Variants in AZIN1 observed in about 807,000 individuals in gnomAD.
The protein encoded by AZIN1 is ornithine decarboxylase antizyme inhibitor.
AZIN1 carries 12 observed loss-of-function variants against 47.4 expected under a neutral mutation model. The ratio of observed to expected loss-of-function variants is 0.25; its 90% CI spans 0.16 to 0.41. The LOEUF (loss-of-function observed/expected upper bound fraction) is 0.41. AZIN1 is among the 10% of genes least tolerant of loss of function. The probability of loss-of-function intolerance (pLI) is 1.00; values close to 1 mark genes in which losing one functional copy is unlikely to be tolerated. For missense variants in AZIN1, 410 were observed against 532.4 expected, an observed-to-expected ratio of 0.77 and a Z score of 2.26; for synonymous variants, 155 against 176.3, an observed-to-expected ratio of 0.88 and a Z score of 0.96.
rs760077075 is a variant in AZIN1 at position 102,828,684 on chromosome 8, T to A, written c.1236-6A>T. 1 of 1,584,620 alleles carries A rather than the reference T, an allele frequency of 6.3e-7. No individual in the cohort carries two copies. Among genetic ancestry groups the A allele is most frequent in the South Asian group, 1.1e-5 (1 of 88,868 alleles). On this transcript the variant is annotated splice_region_variant and splice_polypyrimidine_tract_variant and intron_variant, in intron 11 of 11. Coordinates refer to ENST00000337198, the MANE Select transcript of AZIN1 (RefSeq NM_148174.4). Reference sequence around the variant, plus strand: ...CAGCATCTTGCATCTCATACCTACGTAGAAAAAAAATCAGCTAAATTCTCA... The same window carrying A: ...CAGCATCTTGCATCTCATACCTACGAAGAAAAAAAATCAGCTAAATTCTCA...
rs1811388468 is a variant in AZIN1 at position 102,830,657 on chromosome 8, A to AG, written c.905-722_905-721insC. ...AAAACCCTGTCTCAAAAACAAAAAA[A>AG]AAAAAGAAAAGAAAAAGAAAAAGAA... On this transcript the variant is annotated intron_variant, in intron 9 of 11. Transcript: ENST00000337198. 3.7e-5 allele frequency among the ~76,000 whole-genome samples: 5 copies of AG among 133,746 alleles called. No individual in the cohort carries two copies. The Admixed American group carries it at 4.1e-4, about 11-fold the overall frequency. The allele number at this position is 133,746 out of a possible 152,430, so 87.7% of individuals were successfully genotyped here.
chr8:102,849,430 A>C (rs1267976018), intron 2 of AZIN1, among the ~76,000 whole-genome samples: 1 of 152,182 alleles, frequency 6.6e-6, no homozygotes, highest in Non-Finnish European at 1.5e-5. Flanking sequence ...ATAATTCCCA[A>C]AAGAAACTGT....
At chr8:102,849,379 A>C (rs981440146) in intron 2 of AZIN1, among the ~76,000 whole-genome samples, 8 of 152,172 alleles carry the variant, frequency 5.3e-5, no homozygotes, top group Admixed American at 3.3e-4. Context: ...GACTCAAACC[A>C]AGGTGATATA....
intron 2 of AZIN1, among the ~76,000 whole-genome samples, chr8:102,846,801 TCA>T (rs749290918): frequency 6.6e-6 from 1 of 152,164 alleles, no homozygotes; most frequent in African/African-American, 2.4e-5. Context: ...TCACGCCTAC[TCA>T]CAGCCTTTCT....
At position 102,854,624 on chromosome 8, in the gene AZIN1, A is replaced by ATT. The variant is rs1400631878; in HGVS notation, c.-96+3388_-96+3389insAA. On this transcript the variant is annotated intron_variant, in intron 2 of 11. Transcript: ENST00000337198. Reference sequence around the variant, plus strand: ...AAAAAAAAAATATATATATATATATATATTTTTTTTCCCTAGTTAAAATAA... The same window carrying ATT: ...AAAAAAAAAATATATATATATATATATTTATTTTTTTTCCCTAGTTAAAATAA... 120 of 126,188 alleles carry ATT rather than the reference A, an allele frequency of 9.5e-4. 2 individuals are homozygous for ATT. In the East Asian group the frequency reaches 0.019, roughly 20 times the overall value. The allele number at this position is 126,188 out of a possible 1,614,324, so 7.8% of individuals were successfully genotyped here. A position where few individuals can be genotyped will look rare whatever the true frequency, so the allele number is the denominator to read the frequency against.
intron 2 of AZIN1, among the ~76,000 whole-genome samples, chr8:102,846,800 C>T (rs1467792231): frequency 1.3e-5 from 2 of 152,166 alleles, no homozygotes; most frequent in African/African-American, 4.8e-5. Flanking sequence ...ATCACGCCTA[C>T]TCACAGCCTT....
chr8:102,840,107 A>G (rs1812085865), intron 3 of AZIN1, among the ~76,000 whole-genome samples: 3 of 152,246 alleles, frequency 2.0e-5, no homozygotes. Flanking sequence ...AATTACAGTG[A>G]CAAAAGTCAG....
intron 7 of AZIN1, 108 bp from the exon 8 acceptor site, chr8:102,834,371 AC>A: frequency 1.2e-6 from 1 of 863,014 alleles, no homozygotes; most frequent in Admixed American, 2.6e-5. Flanking sequence ...GATCTTTAGT[AC>A]AGCAAATTCT....
intron 2 of AZIN1, among the ~76,000 whole-genome samples, chr8:102,848,138 G>A (rs911971144): frequency 7.2e-5 from 11 of 152,114 alleles, no homozygotes; most frequent in African/African-American, 2.7e-4. Context: ...GGAGCAGTAA[G>A]CTACACCATA....
intron 5 of AZIN1, among the ~76,000 whole-genome samples, chr8:102,837,889 C>A (rs146154653): frequency 2.0e-5 from 3 of 152,306 alleles, no homozygotes; most frequent in African/African-American, 7.2e-5. Context: ...TCTCGATATA[C>A]CAGTTTGTGA....
intron 2 of AZIN1, chr8:102,855,947 T>C (rs766232160): frequency 5.9e-5 from 9 of 152,208 alleles, no homozygotes; most frequent in Non-Finnish European, 1.3e-4. Flanking sequence ...ACTTTACATA[T>C]GTTATGTAAT....
chr8:102,834,599 A>T, intron 7 of AZIN1, 67 bp downstream of exon 7: 1 of 1,259,776 alleles, frequency 7.9e-7, no homozygotes. Context: ...GGCAGAAAAT[A>T]CTTAGTCTTT....
intron 2 of AZIN1, among the ~76,000 whole-genome samples, chr8:102,852,478 G>A (rs950027159): frequency 2.0e-5 from 3 of 152,174 alleles, no homozygotes; most frequent in African/African-American, 7.2e-5. Flanking sequence ...GGGAGGCTGA[G>A]GCAGGAGAAT....
At position 102,843,748 on chromosome 8, in the gene AZIN1, CTG is replaced by C; in HGVS notation, c.-95-3_-95-2del. On this transcript the variant is annotated splice_acceptor_variant and splice_polypyrimidine_tract_variant and intron_variant, in intron 2 of 11. Coordinates refer to ENST00000337198, the MANE Select transcript of AZIN1 (RefSeq NM_148174.4). LOFTEE classifies it low-confidence loss of function (5UTR_SPLICE). ...CTGGGTCCTTAGAATATGCAACAAA[CTG>C]TCAAAATATAAGTTATATAAAAGTC... 1 of 1,535,834 alleles carries C rather than the reference CTG, an allele frequency of 6.5e-7. No homozygotes were observed. Among genetic ancestry groups the C allele is most frequent in the Non-Finnish European group, 8.7e-7 (1 of 1,145,734 alleles).
intron 1 of AZIN1, among the ~76,000 whole-genome samples, chr8:102,862,670 C>G (rs956291722): frequency 6.6e-6 from 1 of 152,228 alleles, no homozygotes; most frequent in African/African-American, 2.4e-5. Context: ...CATCAACCTT[C>G]GCTGAGCACA....
At chr8:102,836,033 T>G (rs1811800778) in intron 6 of AZIN1, among the ~76,000 whole-genome samples, 1 of 152,208 alleles carries the variant, frequency 6.6e-6, no homozygotes, top group South Asian at 2.1e-4. Context: ...CTATTCTTTT[T>G]ATTGTGGGGA....
At chr8:102,831,789 T>C (rs1481693691) in intron 9 of AZIN1, among the ~76,000 whole-genome samples, 1 of 151,088 alleles carries the variant, frequency 6.6e-6, no homozygotes, top group Non-Finnish European at 1.5e-5. Context: ...CTCTACAAAA[T>C]AAAAATAGAA....
In AZIN1 at chr8:102,832,662, C is replaced by T. The variant is rs541657474; in HGVS notation, c.904+394G>A. Among the ~76,000 whole-genome samples the T allele has an allele frequency of 1.9e-3, 282 of 146,018 alleles. 1 individual carries two copies. Among genetic ancestry groups the T allele is most frequent in the Middle Eastern group, 7.2e-3 (2 of 278 alleles). ...TTTAAGATTTTTTTTTTTTTTGAGA[C>T]GGAGTCTCACTCTTGTCACCCAGGC... On this transcript the variant is annotated intron_variant, in intron 9 of 11. Transcript: ENST00000337198.
intron 2 of AZIN1, among the ~76,000 whole-genome samples, chr8:102,845,879 T>G (rs1488929857): frequency 6.6e-6 from 1 of 152,202 alleles, no homozygotes; most frequent in Non-Finnish European, 1.5e-5. Flanking sequence ...AACTGTGTCT[T>G]TTAAGTAAGA....
Sources: allele counts gnomAD v4.1 joint callset (sites outside exome capture counted in the v4.1 genomes callset), GRCh38; gene constraint gnomAD v4.1.1; transcripts MANE v1.5; gene names NCBI Gene and HGNC (gene_info 2026-07-23, HGNC 2026-07-21).